The following COL25A1 variants were observed in gnomAD, a reference collection of about 807,000 sequenced individuals.
COL25A1 encodes the protein collagen alpha-1(XXV) chain.
Under a neutral mutation model 128.4 loss-of-function variants are expected in COL25A1, and 103 were observed. The observed-to-expected ratio is 0.80, with a 90% confidence interval of 0.68 to 0.94. COL25A1 has a LOEUF of 0.94. COL25A1 is among the 40% of genes least tolerant of loss of function. The pLI is 0.00. For missense variants in COL25A1, 745 were observed against 840.0 expected (o/e 0.89, Z 1.40); for synonymous variants, 279 against 277.2 (o/e 1.01, Z -0.06).
rs759989484 is a variant in COL25A1, at chr4:108,846,122, A to C, written c.1515+17T>G. 6.5e-7 allele frequency: 1 copy of C among 1,531,244 alleles called. No individual in the cohort carries two copies. The highest frequency in any genetic ancestry group is 1.7e-5 in the Admixed American group (1 of 59,586). 94.9% of individuals were successfully genotyped at this position (1,531,244 alleles called of 1,614,324 possible). A position where few individuals can be genotyped will look rare whatever the true frequency, so the allele number is the denominator to read the frequency against. ...CATAATATAAAAAGTATAAACAAACAGAAAGTATAAACATACCGGTAATCC... is the reference window on the plus strand; with the variant it reads ...CATAATATAAAAAGTATAAACAAACCGAAAGTATAAACATACCGGTAATCC... On this transcript the variant is annotated intron_variant, in intron 28 of 37. Transcript: ENST00000399132.
chr4:109,012,204 G>T (rs1177776238), intron 5 of COL25A1, among the ~76,000 whole-genome samples: 5 of 152,198 alleles, frequency 3.3e-5, no homozygotes, highest in African/African-American at 7.2e-5. Flanking sequence ...TTTTTTTGAG[G>T]TCTTGCTATG....
chr4:108,892,294 G>A (rs1330207469), intron 16 of COL25A1, among the ~76,000 whole-genome samples: 2 of 152,168 alleles, frequency 1.3e-5, no homozygotes, highest in African/African-American at 2.4e-5. Flanking sequence ...AGATACTTGA[G>A]ATAAATGAAT....
At chr4:108,831,932 T>C (rs1733173070) in intron 32 of COL25A1, among the ~76,000 whole-genome samples, 1 of 152,182 alleles carries the variant, frequency 6.6e-6, no homozygotes, top group South Asian at 2.1e-4. Flanking sequence ...GGAGCATTTG[T>C]AACTGTGCAG....
intron 11 of COL25A1, among the ~76,000 whole-genome samples, chr4:108,925,052 G>A (rs563841599): frequency 6.6e-6 from 1 of 152,158 alleles, no homozygotes; most frequent in Admixed American, 6.5e-5. Context: ...ACAGTAGCTG[G>A]CACATAGTGA....
At chr4:108,839,870 A>G (rs1167603878) in intron 31 of COL25A1, among the ~76,000 whole-genome samples, 1 of 152,162 alleles carries the variant, frequency 6.6e-6, no homozygotes, top group Non-Finnish European at 1.5e-5. Context: ...GCATATCTGA[A>G]TCACTTATGA....
At chr4:109,179,501 C>T (rs956120533) in intron 3 of COL25A1, among the ~76,000 whole-genome samples, 1 of 152,176 alleles carries the variant, frequency 6.6e-6, no homozygotes, top group African/African-American at 2.4e-5. Context: ...CTGTTAGAAA[C>T]CTTGTATGTT....
chr4:109,258,025 T>A (rs1471106312), intron 3 of COL25A1, among the ~76,000 whole-genome samples: 1 of 152,198 alleles, frequency 6.6e-6, no homozygotes, highest in Admixed American at 6.5e-5. Flanking sequence ...CATCTATAAA[T>A]CATCATTGAT....
chr4:109,124,943 C>T (rs1319084110), intron 3 of COL25A1, among the ~76,000 whole-genome samples: 1 of 151,952 alleles, frequency 6.6e-6, no homozygotes, highest in Non-Finnish European at 1.5e-5. Context: ...GACCAAATGT[C>T]CTGAAAGCTT....
chr4:109,225,111 C>A (rs1778714246), intron 3 of COL25A1, among the ~76,000 whole-genome samples: 1 of 152,110 alleles, frequency 6.6e-6, no homozygotes, highest in Non-Finnish European at 1.5e-5. Flanking sequence ...AGAAACAGAG[C>A]ACTCAGCTCT....
intron 35 of COL25A1, among the ~76,000 whole-genome samples, chr4:108,820,199 C>G (rs1731638081): frequency 6.6e-6 from 1 of 152,178 alleles, no homozygotes; most frequent in Admixed American, 6.5e-5. Flanking sequence ...GTCTGAGTCA[C>G]AGATCCTGTG....
chr4:109,175,590 A>G lies in COL25A1; in HGVS notation c.367+124993T>C, dbSNP rs1283555901. 2.6e-5 allele frequency among the ~76,000 whole-genome samples: 4 copies of G among 152,208 alleles called. No homozygotes were observed. The East Asian group carries it at 7.7e-4, about 29-fold the overall frequency. On this transcript the variant is annotated intron_variant, in intron 3 of 37. Transcript: ENST00000399132. ...GTTTCTCTACTGGTACATTAAGTCA[A>G]TTTACTCAAATATTCATAAAACATG...
chr4:108,949,611 G>A (rs1749165112), intron 8 of COL25A1, among the ~76,000 whole-genome samples: 2 of 151,086 alleles, frequency 1.3e-5, no homozygotes, highest in South Asian at 4.2e-4. Flanking sequence ...TCGGCTCACT[G>A]CAACCTCTAC....
intron 3 of COL25A1, among the ~76,000 whole-genome samples, chr4:109,092,337 TG>T (rs1764988308): frequency 6.6e-6 from 1 of 152,068 alleles, no homozygotes; most frequent in Admixed American, 6.5e-5. Context: ...AAAAATTAGC[TG>T]GGTGTGGTGG....
chr4:109,252,422 A>T (rs556368880), intron 3 of COL25A1, among the ~76,000 whole-genome samples: 8 of 152,276 alleles, frequency 5.3e-5, no homozygotes, highest in African/African-American at 1.9e-4. Flanking sequence ...TGGCTACTTT[A>T]TGAGCCAACT....
At chr4:109,035,977 G>T (rs781321619) in intron 5 of COL25A1, among the ~76,000 whole-genome samples, 11 of 151,762 alleles carry the variant, frequency 7.2e-5, no homozygotes, top group Admixed American at 2.0e-4. Flanking sequence ...GCTCAGGCTG[G>T]AGTGCAGTGG....
intron 10 of COL25A1, among the ~76,000 whole-genome samples, chr4:108,939,433 C>T (rs757151175): frequency 9.9e-5 from 15 of 152,208 alleles, no homozygotes; most frequent in Non-Finnish European, 2.1e-4. Context: ...GGGATATGGG[C>T]TTATGAGGCT....
intron 11 of COL25A1, among the ~76,000 whole-genome samples, chr4:108,923,032 C>T (rs1012972901): frequency 3.3e-5 from 5 of 152,152 alleles, no homozygotes; most frequent in Non-Finnish European, 7.3e-5. Flanking sequence ...GACACACACA[C>T]ACACGTGTGC....
intron 3 of COL25A1, among the ~76,000 whole-genome samples, chr4:109,182,625 G>A (rs972775683): frequency 3.9e-5 from 6 of 152,146 alleles, no homozygotes; most frequent in Non-Finnish European, 7.4e-5. Context: ...AGCCAGGAAC[G>A]CCCAGGTAAG....
chr4:108,828,746 C>CCAAA (rs543407198), intron 32 of COL25A1, among the ~76,000 whole-genome samples: 65 of 152,064 alleles, frequency 4.3e-4, no homozygotes, highest in Non-Finnish European at 7.8e-4. Flanking sequence ...ATATGAGTAG[C>CCAAA]CAAACAGAAA....
Sources: gnomAD v4.1 joint callset for allele counts (sites outside exome capture counted in the v4.1 genomes callset) on GRCh38, gnomAD v4.1.1 for gene constraint, MANE v1.5 for transcripts, NCBI Gene and HGNC (gene_info 2026-07-23, HGNC 2026-07-21) for gene names.